TNRC6A: variants seen among roughly 807,000 people sequenced by gnomAD.
TNRC6A encodes trinucleotide repeat containing adaptor 6A, also known as trinucleotide repeat-containing gene 6A protein.
TNRC6A carries 44 observed loss-of-function variants against 221.2 expected under a neutral mutation model. The ratio of observed to expected loss-of-function variants is 0.20; its 90% CI spans 0.16 to 0.26. The LOEUF (loss-of-function observed/expected upper bound fraction) is 0.26. TNRC6A is among the 10% of genes least tolerant of loss of function. The pLI is 1.00. For synonymous variants in TNRC6A, 847 were observed against 838.5 expected (o/e 1.01, Z -0.18); for missense variants, 2,199 against 2,404.4 (o/e 0.91, Z 1.79).
rs200516304 is a variant in TNRC6A, at chr16:24,710,113, TACTCAGGAGGCTG to T, written n.403-40603_403-40591del. Reference sequence around the variant, plus strand: ...AGTGGCACATGCCTGTAATCCCAGCTACTCAGGAGGCTGACTCAGGAGAATCCCTTGAACCCAG... The same window carrying T: ...AGTGGCACATGCCTGTAATCCCAGCTACTCAGGAGAATCCCTTGAACCCAG... On this transcript the variant is annotated intron_variant and non_coding_transcript_variant, in intron 2 of 2. Coordinates refer to the TNRC6A transcript ENST00000566108. Among the ~76,000 whole-genome samples the T allele has an allele frequency of 9.0e-4, 136 of 151,440 alleles. 1 individual carries two copies. In the East Asian group the frequency reaches 0.025, roughly 28 times the overall value.
chr16:24,701,931 A>G (rs1183893123), intron 2 of TNRC6A, among the ~76,000 whole-genome samples: 1 of 151,882 alleles, frequency 6.6e-6, no homozygotes, highest in Non-Finnish European at 1.5e-5. Flanking sequence ...TATTTCTTCC[A>G]CATCTCACAC....
intron 2 of TNRC6A, among the ~76,000 whole-genome samples, chr16:24,644,614 GT>G (rs200306689): frequency 1.3e-5 from 2 of 151,054 alleles, no homozygotes; most frequent in South Asian, 2.1e-4. Flanking sequence ...TTTTTTGTGG[GT>G]TTTTTTTGTT....
chr16:24,811,288 G>A (rs1439318345), intron 18 of TNRC6A, among the ~76,000 whole-genome samples: 3 of 152,172 alleles, frequency 2.0e-5, no homozygotes, highest in African/African-American at 7.2e-5. Context: ...CATTTGACTA[G>A]GAAGTTCTGC....
At chr16:24,766,122 G>A (rs534910252) in intron 4 of TNRC6A, among the ~76,000 whole-genome samples, 52 of 152,240 alleles carry the variant, frequency 3.4e-4, no homozygotes, top group African/African-American at 1.3e-3. Flanking sequence ...TATTTTTAGA[G>A]AGTTTGTTTT....
intron 2 of TNRC6A, among the ~76,000 whole-genome samples, chr16:24,716,340 T>C (rs2056312174): frequency 1.3e-5 from 2 of 152,172 alleles, no homozygotes; most frequent in Non-Finnish European, 2.9e-5. Context: ...TACTTCATGT[T>C]GGCTGGAAAC....
At chr16:24,815,971 G>A (rs2058648922) in intron 19 of TNRC6A, 1 of 153,152 alleles carries the variant, frequency 6.5e-6, no homozygotes, top group Admixed American at 6.5e-5. Context: ...TACCTGAGTT[G>A]CAGTAGCTTT....
At chr16:24,816,784 G>T (rs1419414862) in intron 19 of TNRC6A, 32 bp from the exon 20 acceptor site, 1 of 1,597,344 alleles carries the variant, frequency 6.3e-7, no homozygotes. Flanking sequence ...TGATGATTAA[G>T]CTTTGAACTA....
intron 3 of TNRC6A, among the ~76,000 whole-genome samples, chr16:24,752,957 G>T (rs1430369839): frequency 1.3e-5 from 2 of 152,124 alleles, no homozygotes; most frequent in Non-Finnish European, 2.9e-5. Context: ...AAAGGGAGGG[G>T]TCACTTGAAT....
At chr16:24,782,331 G>T (rs1267216044) in intron 5 of TNRC6A, among the ~76,000 whole-genome samples, 1 of 152,194 alleles carries the variant, frequency 6.6e-6, no homozygotes, top group Non-Finnish European at 1.5e-5. Context: ...TTGTGATATT[G>T]CATTTGTCTT....
chr16:24,795,093 C>T (rs2058191198), intron 8 of TNRC6A, among the ~76,000 whole-genome samples: 1 of 152,156 alleles, frequency 6.6e-6, no homozygotes, highest in Non-Finnish European at 1.5e-5. Flanking sequence ...GAGTCCCCCG[C>T]CACCCGCTTA....
intron 2 of TNRC6A, among the ~76,000 whole-genome samples, chr16:24,732,903 T>A (rs535119809): frequency 6.6e-6 from 1 of 152,290 alleles, no homozygotes; most frequent in Non-Finnish European, 1.5e-5. Context: ...GCCTCCAAAC[T>A]TTTAGATGTT....
intron 2 of TNRC6A, among the ~76,000 whole-genome samples, chr16:24,673,660 A>C (rs900460125): frequency 6.6e-6 from 1 of 152,140 alleles, no homozygotes; most frequent in Admixed American, 6.6e-5. Flanking sequence ...TCCCTGGTTT[A>C]GGTAACCCTC....
intron 2 of TNRC6A, among the ~76,000 whole-genome samples, chr16:24,712,741 T>A (rs1222430485): frequency 6.6e-6 from 1 of 152,150 alleles, no homozygotes; most frequent in Non-Finnish European, 1.5e-5. Context: ...GCTTGAAGAA[T>A]CTTTATTTCT....
chr16:24,770,514 G>C (rs2057568293), intron 4 of TNRC6A, among the ~76,000 whole-genome samples: 1 of 152,156 alleles, frequency 6.6e-6, no homozygotes, highest in African/African-American at 2.4e-5. Flanking sequence ...GAGGTATTCT[G>C]TTGGGCCTGT....
chr16:24,812,846 C>G (rs909722435), intron 18 of TNRC6A, among the ~76,000 whole-genome samples: 6 of 145,878 alleles, frequency 4.1e-5, no homozygotes, highest in Non-Finnish European at 7.5e-5. Context: ...GGTCCCTCAT[C>G]TGCCAAATGG....
intron 2 of TNRC6A, among the ~76,000 whole-genome samples, chr16:24,643,828 C>T (rs536038173): frequency 6.6e-6 from 1 of 152,276 alleles, no homozygotes; most frequent in South Asian, 2.1e-4. Flanking sequence ...TCTGTCTCTG[C>T]ACCACTTACT....
Position 24,620,141 on chromosome 16 carries a change from CA to C in TNRC6A, n.276+9668del, listed in dbSNP as rs538573259. On this transcript the variant is annotated intron_variant and non_coding_transcript_variant, in intron 1 of 2. Transcript: ENST00000566108. ...TGGGAGACAGAGCAAGACCCAGTTT[CA>C]AAAAAAAAAAGAACTATATGAGCTT... Among the ~76,000 whole-genome samples the C allele has an allele frequency of 7.7e-3, 1,101 of 142,380 alleles. 19 individuals carry two copies. The highest frequency in any genetic ancestry group is 0.026 in the African/African-American group (1,012 of 39,300). 93.4% of individuals were successfully genotyped at this position (142,380 alleles called of 152,430 possible).
In TNRC6A at chr16:24,823,092, A is replaced by C; in HGVS notation, c.5513+79A>C. ...AGCACAGCCTGACCCGGGGCAGTGC[A>C]CAGGGTCCTGCGTGGGTGGCTCCTG... On this transcript the variant is annotated intron_variant, in intron 24 of 24. Transcript: ENST00000395799. This position sits in a 1 kb window ranked among gnomAD's most constrained non-coding sequence, Gnocchi z 4.3. 5.1e-6 allele frequency: 8 copies of C among 1,573,130 alleles called. No homozygotes were observed. The highest frequency in any genetic ancestry group is 7.0e-6 in the Non-Finnish European group (8 of 1,147,716).
rs145122927 is a variant in TNRC6A, at chr16:24,620,020, T to C, written n.276+9536T>C. The stretch of plus-strand genomic sequence containing the variant: ...AGCCAGGTGTGATGGTGCATACCTG[T>C]AGTGCCAGCTTCTTGGGAGGTTGAG... On this transcript the variant is annotated intron_variant and non_coding_transcript_variant, in intron 1 of 2. Coordinates refer to the TNRC6A transcript ENST00000566108. 1.9e-3 allele frequency among the ~76,000 whole-genome samples: 287 copies of C among 152,128 alleles called. 2 individuals are homozygous for C. The highest frequency in any genetic ancestry group is 3.4e-3 in the Middle Eastern group (1 of 294).
Sources: gnomAD v4.1 joint callset for allele counts (sites outside exome capture counted in the v4.1 genomes callset) on GRCh38, gnomAD v4.1.1 for gene constraint, Gnocchi (gnomAD v3.1) non-coding constraint, MANE v1.5 for transcripts, NCBI Gene and HGNC (gene_info 2026-07-23, HGNC 2026-07-21) for gene names.